The following ZNF346 variants were observed in gnomAD, a reference collection of about 807,000 sequenced individuals.
ZNF346 encodes the protein zinc finger protein 346.
Under a neutral mutation model 33.7 loss-of-function variants are expected in ZNF346, and 23 were observed. That is an observed-to-expected ratio of 0.68 (90% confidence interval 0.49 to 0.97). The LOEUF (loss-of-function observed/expected upper bound fraction) is 0.97, where lower values mean the gene tolerates loss of function less well. ZNF346 is among the 50% of genes least tolerant of loss of function. ZNF346 has a pLI of 0.00. For missense variants in ZNF346, 340 were observed against 371.1 expected (o/e 0.92, Z 0.69); for synonymous variants, 134 against 142.4 (o/e 0.94, Z 0.42).
In ZNF346 at chr5:177,058,250, G is replaced by A. The variant is rs571129956; in HGVS notation, c.704-3808G>A. 2.3e-3 allele frequency among the ~76,000 whole-genome samples: 343 copies of A among 151,762 alleles called. 3 individuals carry two copies. The Middle Eastern group carries it at 0.027, about 12-fold the overall frequency. On this transcript the variant is annotated intron_variant, in intron 5 of 6. Coordinates refer to ENST00000358149, the MANE Select transcript of ZNF346 (RefSeq NM_012279.4). ...AGCACTTTGGGAGGCTGAGGCAGGCGGATCACCTGAGGTCAGGATTTCAAG... is the reference window on the plus strand; with the variant it reads ...AGCACTTTGGGAGGCTGAGGCAGGCAGATCACCTGAGGTCAGGATTTCAAG...
chr5:177,024,755 A>G (rs1401300490), intron 1 of ZNF346, among the ~76,000 whole-genome samples: 3 of 152,214 alleles, frequency 2.0e-5, no homozygotes, highest in Non-Finnish European at 4.4e-5. Flanking sequence ...CACAAGAAGA[A>G]AGTGACCTTT....
chr5:177,063,123 CT>C (rs1782746649), intron 6 of ZNF346, among the ~76,000 whole-genome samples: 1 of 151,258 alleles, frequency 6.6e-6, no homozygotes, highest in Non-Finnish European at 1.5e-5. Context: ...TGGTCTCAAA[CT>C]CCTGAGCTCA....
chr5:177,064,383 G>A, intron 6 of ZNF346, 129 bp from the exon 7 acceptor site: 1 of 678,566 alleles, frequency 1.5e-6, no homozygotes, highest in Non-Finnish European at 2.6e-6. Flanking sequence ...CCAGCCCACA[G>A]TGGACCTCAG....
intron 4 of ZNF346, among the ~76,000 whole-genome samples, chr5:177,050,458 A>G (rs1379852366): frequency 1.3e-5 from 2 of 152,194 alleles, no homozygotes; most frequent in Admixed American, 6.5e-5. Flanking sequence ...TAAGAATATG[A>G]GAACCACCAG....
chr5:177,042,513 AG>A (rs1020540206), intron 3 of ZNF346, among the ~76,000 whole-genome samples: 2 of 151,398 alleles, frequency 1.3e-5, no homozygotes, highest in African/African-American at 4.9e-5. Flanking sequence ...CCCATAAAGT[AG>A]AGATAATGCC....
intron 5 of ZNF346, among the ~76,000 whole-genome samples, chr5:177,055,170 A>T (rs989756581): frequency 6.6e-6 from 1 of 150,936 alleles, no homozygotes; most frequent in African/African-American, 2.4e-5. Flanking sequence ...AGTAGCTGGG[A>T]TTATAGACAC....
chr5:177,063,561 A>G (rs1468460478), intron 6 of ZNF346, among the ~76,000 whole-genome samples: 1 of 152,180 alleles, frequency 6.6e-6, no homozygotes, highest in Non-Finnish European at 1.5e-5. Context: ...TGGCAGTTAC[A>G]GTAGACAACC....
At chr5:177,025,440 T>C (rs1026820616) in intron 1 of ZNF346, among the ~76,000 whole-genome samples, 1 of 152,168 alleles carries the variant, frequency 6.6e-6, no homozygotes, top group African/African-American at 2.4e-5. Context: ...AATTGCTGGG[T>C]CATATCGTAA....
At chr5:177,047,648 G>A (rs1187349960) in intron 4 of ZNF346, among the ~76,000 whole-genome samples, 7 of 152,092 alleles carry the variant, frequency 4.6e-5, no homozygotes, top group African/African-American at 7.2e-5. Flanking sequence ...TGGGACTACC[G>A]GCACCTGCCA....
chr5:177,053,897 G>GT lies in ZNF346; in HGVS notation c.703+2966dup, dbSNP rs541589573. 8.5e-5 allele frequency among the ~76,000 whole-genome samples: 13 copies of GT among 152,200 alleles called. 1 individual carries two copies. The South Asian group carries it at 2.7e-3, about 32-fold the overall frequency. On this transcript the variant is annotated intron_variant, in intron 5 of 6. Transcript: ENST00000358149. ...TAATACCAAACCCTCTATATACGGT[G>GT]TTTTTCTCTCTGAGAACCAACATGG...
chr5:177,030,933 T>C (rs902812448), intron 1 of ZNF346, among the ~76,000 whole-genome samples: 1 of 150,654 alleles, frequency 6.6e-6, no homozygotes, highest in African/African-American at 2.4e-5. Flanking sequence ...TTTTGGTTTT[T>C]TTTTGAGACG....
rs1418241111 is a variant in ZNF346, at chr5:177,066,891, G to A, written c.*2292G>A. Among the ~76,000 whole-genome samples, 8 of 152,110 alleles carry A rather than the reference G, an allele frequency of 5.3e-5. No homozygotes were observed. The highest frequency in any genetic ancestry group is 1.7e-4 in the African/African-American group (7 of 41,492). On this transcript the variant is annotated 3_prime_UTR_variant, in exon 7 of 7. Coordinates refer to ENST00000358149, the MANE Select transcript of ZNF346 (RefSeq NM_012279.4). ...CTGGCCAACATGATGGCAAAACCCC[G>A]TCCCTATAAAAAATACGAAAATCAG...
intron 1 of ZNF346, among the ~76,000 whole-genome samples, chr5:177,033,823 C>A (rs1778080123): frequency 6.6e-6 from 1 of 152,026 alleles, no homozygotes; most frequent in African/African-American, 2.4e-5. Flanking sequence ...GCACCTGGCC[C>A]AGTTGATGAA....
At chr5:177,061,773 T>A (rs897494221) in intron 5 of ZNF346, among the ~76,000 whole-genome samples, 2 of 152,140 alleles carry the variant, frequency 1.3e-5, no homozygotes, top group Non-Finnish European at 2.9e-5. Flanking sequence ...AAATGTCACC[T>A]CTCTGTTCTG....
In ZNF346 at chr5:177,050,836, A is replaced by G. The variant is rs948950623; in HGVS notation, c.603A>G (p.Gln201=). 1.2e-6 allele frequency: 2 copies of G among 1,614,214 alleles called. No individual in the cohort carries two copies. Among genetic ancestry groups the G allele is most frequent in the Non-Finnish European group, 8.5e-7 (1 of 1,180,028 alleles). ...HATFNDPVMA[Q]QHYVGKKHRK... Reference sequence around the variant, plus strand: ...CTTTCAACGACCCTGTCATGGCTCAACAACATTATGTGGGCAAGAAACACA... The same window carrying G: ...CTTTCAACGACCCTGTCATGGCTCAGCAACATTATGTGGGCAAGAAACACA... The change falls in exon 5 of 7, where the codon CAA becomes CAG. Residue 201 remains glutamine (Q), a synonymous_variant. Transcript: ENST00000358149.
chr5:177,057,820 A>ATTTG (rs1562022942), intron 5 of ZNF346, among the ~76,000 whole-genome samples: 3 of 70,776 alleles, frequency 4.2e-5, no homozygotes, highest in African/African-American at 1.5e-4. Context: ...TTATTTATTT[A>ATTTG]TTTATTTATT....
chr5:177,050,609 T>C (rs2149666063), intron 4 of ZNF346, 142 bp from the exon 5 acceptor site: 1 of 798,442 alleles, frequency 1.3e-6, no homozygotes, highest in Non-Finnish European at 2.1e-6. Context: ...GCAGTAGGAT[T>C]AACTGGTGTC....
At chr5:177,052,081 C>T (rs2149672132) in intron 5 of ZNF346, among the ~76,000 whole-genome samples, 1 of 152,206 alleles carries the variant, frequency 6.6e-6, no homozygotes, top group East Asian at 1.9e-4. Context: ...GGGAGGATAA[C>T]TTGAGCCCAG....
chr5:177,051,170 CTTTT>C (rs906484576), intron 5 of ZNF346, among the ~76,000 whole-genome samples: 3 of 104,846 alleles, frequency 2.9e-5, no homozygotes, highest in Non-Finnish European at 5.7e-5. Context: ...GTTTTCTTTT[CTTTT>C]TTTTTTTTTT....
Sources: allele counts gnomAD v4.1 joint callset (sites outside exome capture counted in the v4.1 genomes callset), GRCh38; gene constraint gnomAD v4.1.1; transcripts MANE v1.5; gene names NCBI Gene and HGNC (gene_info 2026-07-23, HGNC 2026-07-21).